TMEM87B: variants seen among roughly 807,000 people sequenced by gnomAD.
The protein encoded by TMEM87B is transmembrane protein 87B.
A neutral mutation model predicts 80.3 loss-of-function variants in TMEM87B; 83 were observed. That is an observed-to-expected ratio of 1.03 (90% CI 0.87 to 1.24). TMEM87B has a LOEUF of 1.24. Ranked by LOEUF, TMEM87B falls within the 50% of genes most tolerant of loss-of-function variation. The probability of loss-of-function intolerance (pLI) is 0.00; values close to 1 mark genes in which losing one functional copy is unlikely to be tolerated. For missense variants in TMEM87B, 625 were observed against 674.4 expected, an observed-to-expected ratio of 0.93 and a Z score of 0.81; for synonymous variants, 219 against 230.5, an observed-to-expected ratio of 0.95 and a Z score of 0.45.
At chr2:112,069,830 A>T (rs573324286) in intron 4 of TMEM87B, among the ~76,000 whole-genome samples, 1 of 152,236 alleles carries the variant, frequency 6.6e-6, no homozygotes, top group African/African-American at 2.4e-5. Flanking sequence ...CCTTGCCAGC[A>T]TCTGTTATTT....
intron 11 of TMEM87B, chr2:112,095,433 G>T (rs1412756963): frequency 6.1e-6 from 6 of 983,038 alleles, no homozygotes; most frequent in Non-Finnish European, 7.2e-6. Context: ...GGTAAGTGGA[G>T]GCTTAGGCAA....
intron 15 of TMEM87B, among the ~76,000 whole-genome samples, chr2:112,102,562 T>C (rs1679658808): frequency 1.3e-5 from 2 of 151,804 alleles, no homozygotes; most frequent in African/African-American, 4.8e-5. Flanking sequence ...GGCGTGGTGG[T>C]GTGTGCCTGT....
chr2:112,071,092 G>A (rs796075452), intron 4 of TMEM87B, among the ~76,000 whole-genome samples: 11 of 152,068 alleles, frequency 7.2e-5, no homozygotes, highest in African/African-American at 2.4e-4. Flanking sequence ...CCAAAGTGCT[G>A]GGATTACAGG....
At chr2:112,067,731 G>A (rs962742676) in intron 4 of TMEM87B, among the ~76,000 whole-genome samples, 27 of 152,186 alleles carry the variant, frequency 1.8e-4, no homozygotes, top group African/African-American at 5.6e-4. Flanking sequence ...ACTGCAGTCA[G>A]ACCTTTGCAT....
At chr2:112,060,188 A>G in intron 2 of TMEM87B, 151 bp downstream of exon 2, 3 of 947,264 alleles carry the variant, frequency 3.2e-6, no homozygotes, top group South Asian at 3.0e-5. Flanking sequence ...TCTACTAAAA[A>G]TACAAAAAAA....
chr2:112,072,895 C>CTTTTTTT (rs71226782), intron 4 of TMEM87B, among the ~76,000 whole-genome samples: 261 of 82,984 alleles, frequency 3.1e-3, no homozygotes, highest in Non-Finnish European at 4.2e-3. Flanking sequence ...AACTCTTCTT[C>CTTTTTTT]TTTTTTTTTT....
At chr2:112,095,967 C>G (rs901075748) in intron 11 of TMEM87B, among the ~76,000 whole-genome samples, 1 of 152,138 alleles carries the variant, frequency 6.6e-6, no homozygotes, top group South Asian at 2.1e-4. Flanking sequence ...TTGAACTTCA[C>G]CTGAGCCCTG....
At chr2:112,087,526 G>T (rs193119405) in intron 9 of TMEM87B, among the ~76,000 whole-genome samples, 46 of 151,682 alleles carry the variant, frequency 3.0e-4, no homozygotes, top group African/African-American at 1.1e-3. Context: ...CATCTGGACC[G>T]CATGAACCAC....
Position 112,097,309 on chromosome 2 carries a change from A to AT in TMEM87B, c.1272+21dup. The stretch of plus-strand genomic sequence containing the variant: ...GCCAATCAGTAAGTATAACCTTCCT[A>AT]TTTAAACAGTTATTTTTATTTATAC... On this transcript the variant is annotated intron_variant, in intron 13 of 18. Transcript: ENST00000283206. 1.3e-6 allele frequency: 2 copies of AT among 1,557,596 alleles called. No homozygotes were observed. The highest frequency in any genetic ancestry group is 1.7e-6 in the Non-Finnish European group (2 of 1,151,994).
chr2:112,108,298 T>G (rs559255450), intron 17 of TMEM87B, among the ~76,000 whole-genome samples: 1 of 152,332 alleles, frequency 6.6e-6, no homozygotes, highest in Non-Finnish European at 1.5e-5. Context: ...GATAGCTGTT[T>G]CCATAGTGAA....
intron 4 of TMEM87B, among the ~76,000 whole-genome samples, chr2:112,070,866 G>C (rs1678602492): frequency 6.6e-6 from 1 of 150,528 alleles, no homozygotes; most frequent in African/African-American, 2.5e-5. Context: ...CTGTCACCCA[G>C]GCTGGAGTGT....
intron 14 of TMEM87B, among the ~76,000 whole-genome samples, chr2:112,099,555 T>TATATATATATATATATATATAC (rs1019425429): frequency 1.9e-4 from 14 of 73,560 alleles, no homozygotes; most frequent in African/African-American, 7.0e-4. Context: ...TATATATATA[T>TATATATATATATATATATATAC]ACACACACAC....
At chr2:112,102,245 T>A (rs1269610564) in intron 15 of TMEM87B, among the ~76,000 whole-genome samples, 1 of 152,194 alleles carries the variant, frequency 6.6e-6, no homozygotes, top group African/African-American at 2.4e-5. Context: ...CAATATATCA[T>A]TAATGAGTGG....
intron 8 of TMEM87B, among the ~76,000 whole-genome samples, chr2:112,083,598 A>G (rs905276202): frequency 1.3e-5 from 2 of 152,194 alleles, no homozygotes; most frequent in African/African-American, 4.8e-5. Context: ...GAAGAACTTT[A>G]AAATGGTACC....
At position 112,080,538 on chromosome 2, in the gene TMEM87B, G is replaced by C. The variant is rs549282343; in HGVS notation, c.593-519G>C. ...CCTCCCAAAGTGCTGGGATTACAGG[G>C]GTGAGCCACCACGCCCGGCCTGCCC... On this transcript the variant is annotated intron_variant, in intron 6 of 18. Coordinates refer to ENST00000283206, the MANE Select transcript of TMEM87B (RefSeq NM_032824.3). 3.9e-3 allele frequency among the ~76,000 whole-genome samples: 585 copies of C among 151,486 alleles called. 2 individuals carry two copies. The highest frequency in any genetic ancestry group is 0.013 in the African/African-American group (530 of 41,244).
intron 6 of TMEM87B, among the ~76,000 whole-genome samples, chr2:112,079,920 C>T (rs1678936310): frequency 1.4e-5 from 2 of 140,698 alleles, no homozygotes; most frequent in South Asian, 2.2e-4. Flanking sequence ...CATCTAGGTC[C>T]CTTGCCTTTT....
Position 112,100,764 on chromosome 2 carries a change from G to T in TMEM87B, c.1450+69G>T. 3.2e-6 allele frequency: 3 copies of T among 947,792 alleles called. 1 individual carries two copies. The highest frequency in any genetic ancestry group is 4.9e-6 in the Non-Finnish European group (3 of 612,350). The allele number at this position is 947,792 out of a possible 1,614,324, so 58.7% of individuals were successfully genotyped here. A position where few individuals can be genotyped will look rare whatever the true frequency, so the allele number is the denominator to read the frequency against. On this transcript the variant is annotated intron_variant, in intron 15 of 18. Coordinates refer to ENST00000283206, the MANE Select transcript of TMEM87B (RefSeq NM_032824.3). Reference sequence around the variant, plus strand: ...CAACAGAAATATTGTACCTTTACCCGTGATGCAAGGTCACATATATTGTTT... The same window carrying T: ...CAACAGAAATATTGTACCTTTACCCTTGATGCAAGGTCACATATATTGTTT...
chr2:112,109,978 C>T (rs1196736351), intron 17 of TMEM87B, among the ~76,000 whole-genome samples: 1 of 152,008 alleles, frequency 6.6e-6, no homozygotes, highest in African/African-American at 2.4e-5. Flanking sequence ...GTTGGCCAGG[C>T]TGGCCTCGAA....
intron 15 of TMEM87B, among the ~76,000 whole-genome samples, chr2:112,101,558 G>T (rs1679631494): frequency 6.6e-6 from 1 of 152,070 alleles, no homozygotes; most frequent in Non-Finnish European, 1.5e-5. Context: ...AAGCCTTACT[G>T]TTAACATAGT....
Sources: allele counts gnomAD v4.1 joint callset (sites outside exome capture counted in the v4.1 genomes callset), GRCh38; gene constraint gnomAD v4.1.1; transcripts MANE v1.5; gene names NCBI Gene and HGNC (gene_info 2026-07-23, HGNC 2026-07-21).